The following MTHFD2L variants were observed in gnomAD, a reference collection of about 807,000 sequenced individuals.
MTHFD2L encodes methylenetetrahydrofolate dehydrogenase (NADP+ dependent) 2 like.
A neutral mutation model predicts 34.9 loss-of-function variants in MTHFD2L; 29 were observed. That is an observed-to-expected ratio of 0.83 (90% confidence interval 0.62 to 1.13). The LOEUF (loss-of-function observed/expected upper bound fraction) is 1.13, where lower values mean the gene tolerates loss of function less well. Ranked by LOEUF, MTHFD2L falls within the 50% of genes most tolerant of loss-of-function variation. The pLI, the probability that MTHFD2L is intolerant of heterozygous loss-of-function variation, is 0.00. For synonymous variants in MTHFD2L, 167 were observed against 155.7 expected (o/e 1.07, Z -0.54); for missense variants, 481 against 446.5 (o/e 1.08, Z -0.70).
At chr4:74,157,859 T>C (rs1724436984), upstream of MTHFD2L, 1 of 620,002 alleles carries the variant, frequency 1.6e-6, no homozygotes, top group African/African-American at 1.8e-5. Flanking sequence ...GTTGGCTGGG[T>C]GCGGGGCCCA....
chr4:74,296,654 G>A (rs1290271585), intron 7 of MTHFD2L, among the ~76,000 whole-genome samples: 1 of 151,980 alleles, frequency 6.6e-6, no homozygotes, highest in Non-Finnish European at 1.5e-5. Context: ...CCGTTTATAT[G>A]TATAACATTC....
At chr4:74,120,190 AG>A (rs946590312), upstream of MTHFD2L, among the ~76,000 whole-genome samples, 8 of 152,222 alleles carry the variant, frequency 5.3e-5, no homozygotes, top group Non-Finnish European at 1.0e-4. Flanking sequence ...GCAGTTCAAA[AG>A]GTGGCATGTG....
intron 6 of MTHFD2L, among the ~76,000 whole-genome samples, chr4:74,259,212 C>T (rs1209350038): frequency 6.6e-6 from 1 of 152,178 alleles, no homozygotes; most frequent in Non-Finnish European, 1.5e-5. Flanking sequence ...TTTATCTCCC[C>T]AAGCCTATAT....
At chr4:74,295,901 C>T (rs1297717881) in intron 7 of MTHFD2L, among the ~76,000 whole-genome samples, 1 of 152,152 alleles carries the variant, frequency 6.6e-6, no homozygotes, top group Admixed American at 6.6e-5. Flanking sequence ...GGATATGCCA[C>T]ATTAATACAC....
At chr4:74,176,671 A>G (rs1377266077) in intron 3 of MTHFD2L, among the ~76,000 whole-genome samples, 1 of 152,064 alleles carries the variant, frequency 6.6e-6, no homozygotes, top group African/African-American at 2.4e-5. Context: ...AAGAGCTAGC[A>G]GCTCTTGTAT....
intron 5 of MTHFD2L, among the ~76,000 whole-genome samples, chr4:74,217,478 C>T (rs1401299149): frequency 6.6e-6 from 1 of 151,768 alleles, no homozygotes; most frequent in Non-Finnish European, 1.5e-5. Context: ...TGCATGATTA[C>T]TGAGTTTTCC....
At chr4:74,274,940 T>C (rs1746423186) in intron 6 of MTHFD2L, among the ~76,000 whole-genome samples, 1 of 152,074 alleles carries the variant, frequency 6.6e-6, no homozygotes, top group Non-Finnish European at 1.5e-5. Context: ...TCAAAGCAAG[T>C]CTTTATTTTT....
At position 74,210,438 on chromosome 4, in the gene MTHFD2L, A is replaced by G. The variant is rs556392528; in HGVS notation, c.712+9068A>G. ...GCCAGTTTTCCCAACACCATTGATT[A>G]AATAGGGAATCCTTTCCCCATTACT... On this transcript the variant is annotated intron_variant, in intron 5 of 7. Transcript: ENST00000325278. Among the ~76,000 whole-genome samples the G allele has an allele frequency of 2.0e-5, 3 of 152,050 alleles. No homozygotes were observed. The East Asian group carries it at 5.9e-4, about 30-fold the overall frequency.
intron 7 of MTHFD2L, among the ~76,000 whole-genome samples, chr4:74,293,334 G>T (rs938498756): frequency 2.0e-5 from 3 of 151,710 alleles, no homozygotes; most frequent in African/African-American, 7.3e-5. Flanking sequence ...TGAGAATGAT[G>T]GTTTACATCT....
At chr4:74,139,266 G>A (rs1050574399) in intron 1 of MTHFD2L, among the ~76,000 whole-genome samples, 1 of 152,110 alleles carries the variant, frequency 6.6e-6, no homozygotes, top group African/African-American at 2.4e-5. Context: ...GATACCCTAG[G>A]GGATGGCTAG....
intron 6 of MTHFD2L, among the ~76,000 whole-genome samples, chr4:74,226,711 A>C (rs1477947129): frequency 1.3e-5 from 2 of 152,190 alleles, no homozygotes; most frequent in Non-Finnish European, 1.5e-5. Context: ...AAATTCATTC[A>C]ATTGAATATT....
At chr4:74,189,486 T>C (rs4328887) in intron 3 of MTHFD2L, among the ~76,000 whole-genome samples, 229 of 580 alleles carry the variant, frequency 0.39, 87 homozygotes, top group Non-Finnish European at 0.7. Flanking sequence ...TTTTTCTTCC[T>C]TTTTTTTTTT....
upstream of MTHFD2L, chr4:74,157,301 C>G (rs1188325199): frequency 4.1e-6 from 1 of 244,326 alleles, no homozygotes; most frequent in Non-Finnish European, 8.2e-6. Context: ...TGTTCTGACT[C>G]AACAGCAGCA....
At position 74,262,789 on chromosome 4, in the gene MTHFD2L, T is replaced by C. The variant is rs72856354; in HGVS notation, c.806-18636T>C. Among the ~76,000 whole-genome samples, 879 of 152,094 alleles carry C rather than the reference T, an allele frequency of 5.8e-3. 12 individuals are homozygous for C. The highest frequency in any genetic ancestry group is 0.02 in the African/African-American group (839 of 41,552). On this transcript the variant is annotated intron_variant, in intron 6 of 7. Coordinates refer to ENST00000325278, the MANE Select transcript of MTHFD2L (RefSeq NM_001144978.3). ...CTGCTGATGAAGTTATGCTTTATTA[T>C]AGTCCCTCTAGAAGGTAATTTGACA...
intron 3 of MTHFD2L, among the ~76,000 whole-genome samples, chr4:74,197,776 G>A (rs1269497645): frequency 1.3e-5 from 2 of 152,066 alleles, no homozygotes; most frequent in Non-Finnish European, 2.9e-5. Flanking sequence ...AAAGGAAATT[G>A]ATGTAAAGGT....
chr4:74,150,430 T>A (rs1187403734), intron 1 of MTHFD2L, among the ~76,000 whole-genome samples: 1 of 152,192 alleles, frequency 6.6e-6, no homozygotes, highest in Non-Finnish European at 1.5e-5. Flanking sequence ...ATTTTGTATT[T>A]TTTAGTAGAG....
At chr4:74,241,951 G>T (rs1342290421) in intron 6 of MTHFD2L, 4 of 154,614 alleles carry the variant, frequency 2.6e-5, no homozygotes, top group Non-Finnish European at 4.3e-5. Context: ...CGGTTTCCGG[G>T]AGTCAAGGAC....
At chr4:74,141,335 G>T (rs971000041) in intron 1 of MTHFD2L, among the ~76,000 whole-genome samples, 1 of 152,200 alleles carries the variant, frequency 6.6e-6, no homozygotes, top group Non-Finnish European at 1.5e-5. Flanking sequence ...AGTAGTCCAA[G>T]CAAAATTCAC....
chr4:74,239,237 A>G (rs1435742628), intron 6 of MTHFD2L, among the ~76,000 whole-genome samples: 1 of 152,226 alleles, frequency 6.6e-6, no homozygotes, highest in Non-Finnish European at 1.5e-5. Flanking sequence ...TCACAAGGAC[A>G]GAAAACCAAA....
Sources: gnomAD v4.1 joint callset for allele counts (sites outside exome capture counted in the v4.1 genomes callset) on GRCh38, gnomAD v4.1.1 for gene constraint, MANE v1.5 for transcripts, NCBI Gene and HGNC (gene_info 2026-07-23, HGNC 2026-07-21) for gene names.